Variants in AGBL1 observed in about 807,000 individuals in gnomAD.
AGBL1 encodes AGBL carboxypeptidase 1.
AGBL1 carries 130 observed loss-of-function variants against 118.9 expected under a neutral mutation model. The observed-to-expected ratio is 1.09, with a 90% CI of 0.95 to 1.26. AGBL1 has a LOEUF of 1.26. AGBL1 is among the 50% of genes most tolerant of loss of function. The probability of loss-of-function intolerance (pLI) is 0.00; values close to 1 mark genes in which losing one functional copy is unlikely to be tolerated. For synonymous variants in AGBL1, 555 were observed against 478.9 expected (o/e 1.16, Z -2.08); for missense variants, 1,584 against 1,298.1 (o/e 1.22, Z -3.38).
intron 6 of AGBL1, among the ~76,000 whole-genome samples, chr15:86,229,680 C>G (rs2078424193): frequency 6.6e-6 from 1 of 151,714 alleles, no homozygotes; most frequent in East Asian, 1.9e-4. Flanking sequence ...TTTTTGCTTC[C>G]TCAATTACCT....
At chr15:87,007,527 T>C (rs553989172) in intron 24 of AGBL1, among the ~76,000 whole-genome samples, 28 of 152,280 alleles carry the variant, frequency 1.8e-4, no homozygotes, top group African/African-American at 6.5e-4. Context: ...GATACAAATA[T>C]ATTGCTAGCA....
chr15:86,528,255 C>T (rs969191048), intron 19 of AGBL1, among the ~76,000 whole-genome samples: 3 of 152,164 alleles, frequency 2.0e-5, no homozygotes, highest in Non-Finnish European at 4.4e-5. Context: ...GTGCACGCAC[C>T]GGGCGCGAAC....
chr15:86,567,554 A>G (rs1424312838), intron 21 of AGBL1, among the ~76,000 whole-genome samples: 1 of 152,238 alleles, frequency 6.6e-6, no homozygotes, highest in Admixed American at 6.5e-5. Flanking sequence ...TGAATTTAAA[A>G]GGCTATTCTA....
chr15:86,345,607 G>C (rs2080524598), intron 17 of AGBL1, among the ~76,000 whole-genome samples: 1 of 152,190 alleles, frequency 6.6e-6, no homozygotes, highest in African/African-American at 2.4e-5. Context: ...GAGTTGCAGG[G>C]GAAAGGCAGG....
chr15:86,601,826 C>A (rs2084498526), intron 21 of AGBL1, among the ~76,000 whole-genome samples: 1 of 152,136 alleles, frequency 6.6e-6, no homozygotes, highest in African/African-American at 2.4e-5. Flanking sequence ...CATCATTACT[C>A]CATCCAATAG....
At chr15:86,744,385 A>G (rs2077723759) in intron 22 of AGBL1, among the ~76,000 whole-genome samples, 1 of 152,120 alleles carries the variant, frequency 6.6e-6, no homozygotes, top group African/African-American at 2.4e-5. Flanking sequence ...CTGCCGTGCC[A>G]ACAGAGATAT....
chr15:86,940,384 A>T (rs943927785), intron 23 of AGBL1, among the ~76,000 whole-genome samples: 3 of 152,112 alleles, frequency 2.0e-5, no homozygotes. Flanking sequence ...GATTGACAGC[A>T]CATGGTAAGT....
intron 18 of AGBL1, among the ~76,000 whole-genome samples, chr15:86,449,812 T>G (rs1226746078): frequency 6.6e-6 from 1 of 152,150 alleles, no homozygotes; most frequent in Non-Finnish European, 1.5e-5. Context: ...GTGGAGTGAC[T>G]GAGGAACGGC....
chr15:86,462,500 T>C (rs1257682008), intron 18 of AGBL1, among the ~76,000 whole-genome samples: 1 of 152,076 alleles, frequency 6.6e-6, no homozygotes, highest in Admixed American at 6.6e-5. Context: ...GTTTGTTACA[T>C]AGGTATACAC....
At chr15:86,099,284 A>G (rs1896568621) in intron 1 of AGBL1, among the ~76,000 whole-genome samples, 1 of 152,194 alleles carries the variant, frequency 6.6e-6, no homozygotes, top group African/African-American at 2.4e-5. Context: ...AGAATACCTT[A>G]CATTTATTCC....
chr15:86,803,855 G>A (rs2078683586), intron 22 of AGBL1, among the ~76,000 whole-genome samples: 1 of 152,066 alleles, frequency 6.6e-6, no homozygotes. Flanking sequence ...GGTATCTGTT[G>A]GGTAGAGATC....
At chr15:86,330,953 C>T (rs900826927) in intron 17 of AGBL1, among the ~76,000 whole-genome samples, 5 of 152,050 alleles carry the variant, frequency 3.3e-5, no homozygotes, top group Non-Finnish European at 7.4e-5. Context: ...AGGGAAGATG[C>T]GGTAGCTCAT....
intron 18 of AGBL1, among the ~76,000 whole-genome samples, chr15:86,432,326 C>T (rs1258299742): frequency 6.6e-6 from 1 of 152,152 alleles, no homozygotes; most frequent in African/African-American, 2.4e-5. Flanking sequence ...CTCTCATCTC[C>T]CTAGGTTCCT....
intron 22 of AGBL1, among the ~76,000 whole-genome samples, chr15:86,899,089 G>A (rs768359255): frequency 1.4e-4 from 22 of 152,106 alleles, no homozygotes; most frequent in Admixed American, 3.9e-4. Flanking sequence ...ACATGCACAC[G>A]AATGTTTATT....
intron 6 of AGBL1, among the ~76,000 whole-genome samples, chr15:86,234,203 G>T (rs1447740665): frequency 2.0e-5 from 3 of 152,006 alleles, no homozygotes; most frequent in Non-Finnish European, 4.4e-5. Context: ...TGGCTTGGTG[G>T]CATGTGTGCA....
intron 22 of AGBL1, among the ~76,000 whole-genome samples, chr15:86,851,400 T>C (rs2079405161): frequency 6.6e-6 from 1 of 152,008 alleles, no homozygotes. Context: ...GGGCAAACAG[T>C]GAGGACAGAA....
chr15:86,675,744 G>GGT (rs1172885565), intron 22 of AGBL1, among the ~76,000 whole-genome samples: 1 of 151,914 alleles, frequency 6.6e-6, no homozygotes, highest in East Asian at 1.9e-4. Context: ...AGCTATCTTG[G>GGT]GTGTAGGCAT....
intron 17 of AGBL1, among the ~76,000 whole-genome samples, chr15:86,359,589 T>C (rs1332096729): frequency 1.3e-5 from 2 of 151,630 alleles, no homozygotes; most frequent in Non-Finnish European, 3.0e-5. Flanking sequence ...AAAAATGTCA[T>C]TGGGGTTTTG....
At chr15:86,429,320 A>T (rs4313781) in intron 18 of AGBL1, among the ~76,000 whole-genome samples, 1 of 152,040 alleles carries the variant, frequency 6.6e-6, no homozygotes, top group East Asian at 1.9e-4. Flanking sequence ...ACTCCATGGG[A>T]TGGGCCTATT....
Sources: allele counts gnomAD v4.1 joint callset (sites outside exome capture counted in the v4.1 genomes callset), GRCh38; gene constraint gnomAD v4.1.1; transcripts MANE v1.5; gene names NCBI Gene and HGNC (gene_info 2026-07-23, HGNC 2026-07-21).